The following CDH4 variants were observed in gnomAD, a reference collection of about 807,000 sequenced individuals.
CDH4 encodes the protein cadherin 4.
Under a neutral mutation model 86.0 loss-of-function variants are expected in CDH4, and 33 were observed. The ratio of observed to expected loss-of-function variants is 0.38; its 90% CI spans 0.29 to 0.51. The LOEUF (loss-of-function observed/expected upper bound fraction) is 0.51, where lower values mean the gene tolerates loss of function less well. CDH4 is among the 20% of genes least tolerant of loss of function. CDH4 has a pLI of 0.86. For missense variants in CDH4, 1,114 were observed against 1,307.4 expected, an observed-to-expected ratio of 0.85 and a Z score of 2.28; for synonymous variants, 555 against 549.4, an observed-to-expected ratio of 1.01 and a Z score of -0.14.
At chr20:61,796,778 G>GA (rs1292391329) in intron 4 of CDH4, among the ~76,000 whole-genome samples, 1 of 152,172 alleles carries the variant, frequency 6.6e-6, no homozygotes, top group African/African-American at 2.4e-5. Context: ...ATCCTGCTGG[G>GA]AAATGCTAGA....
chr20:61,589,035 G>A (rs2086498937), intron 2 of CDH4, among the ~76,000 whole-genome samples: 1 of 152,204 alleles, frequency 6.6e-6, no homozygotes, highest in African/African-American at 2.4e-5. Flanking sequence ...AGCTGTGTGT[G>A]GACCCCTACA....
intron 2 of CDH4, among the ~76,000 whole-genome samples, chr20:61,352,766 T>C (rs777643933): frequency 2.0e-5 from 3 of 152,018 alleles, no homozygotes; most frequent in Non-Finnish European, 2.9e-5. Context: ...CCCGGTCACC[T>C]GCACTGCATT....
chr20:61,273,630 G>A (rs530886918), intron 2 of CDH4, among the ~76,000 whole-genome samples: 41 of 140,646 alleles, frequency 2.9e-4, no homozygotes, highest in African/African-American at 4.6e-4. Flanking sequence ...GGATTACTGC[G>A]TGCAGTTTTT....
At chr20:61,555,824 A>G (rs1381113969) in intron 2 of CDH4, among the ~76,000 whole-genome samples, 1 of 152,194 alleles carries the variant, frequency 6.6e-6, no homozygotes, top group African/African-American at 2.4e-5. Context: ...AGTCATCAGT[A>G]TTGCTCCAGG....
At chr20:61,509,801 A>G (rs2085766831) in intron 2 of CDH4, among the ~76,000 whole-genome samples, 2 of 152,114 alleles carry the variant, frequency 1.3e-5, no homozygotes, top group South Asian at 4.1e-4. Context: ...TCCAGAGGTC[A>G]CTTGCCCCAC....
At chr20:61,401,572 T>C (rs6121456) in intron 2 of CDH4, among the ~76,000 whole-genome samples, 76,436 of 151,936 alleles carry the variant, frequency 0.5, 20,269 homozygotes, top group African/African-American at 0.67. Context: ...TGGCTTCAGG[T>C]GTGGCTGGAT....
At chr20:61,729,443 C>A (rs1369239063) in intron 2 of CDH4, among the ~76,000 whole-genome samples, 1 of 152,162 alleles carries the variant, frequency 6.6e-6, no homozygotes, top group Non-Finnish European at 1.5e-5. Context: ...CACTTTTTTT[C>A]TTGAACAGAG....
Position 61,314,734 on chromosome 20 carries a change from A to G in CDH4, c.169+59797A>G, listed in dbSNP as rs6028109. ...AACGCTCATCCCAATTTATCTTCCC[A>G]GCAACAGCGGAGGAGGAGGAGGAGG... On this transcript the variant is annotated intron_variant, in intron 2 of 15. Transcript: ENST00000614565. 4.4e-3 allele frequency among the ~76,000 whole-genome samples: 675 copies of G among 152,274 alleles called. 8 individuals carry two copies. Among genetic ancestry groups the G allele is most frequent in the African/African-American group, 0.016 (645 of 41,564 alleles).
intron 2 of CDH4, among the ~76,000 whole-genome samples, chr20:61,626,908 G>A (rs1458518869): frequency 6.6e-6 from 1 of 152,174 alleles, no homozygotes; most frequent in African/African-American, 2.4e-5. Flanking sequence ...TTGCCTCCTG[G>A]TTCTTTGAGA....
At chr20:61,897,817 G>A (rs957752724) in intron 8 of CDH4, among the ~76,000 whole-genome samples, 11 of 152,242 alleles carry the variant, frequency 7.2e-5, no homozygotes, top group South Asian at 2.1e-4. Context: ...CCCAGATCAC[G>A]GGGCAGGGGA....
intron 4 of CDH4, among the ~76,000 whole-genome samples, chr20:61,805,485 C>G (rs1398759985): frequency 6.6e-6 from 1 of 152,228 alleles, no homozygotes; most frequent in Non-Finnish European, 1.5e-5. Flanking sequence ...CACAACCTTT[C>G]CGGGATCCAG....
rs183642527 is a variant in CDH4, at chr20:61,404,851, A to G, written c.169+149914A>G. ...GAATCATAAGGTCAGGAGATCAAGAACATCCTGGCTAACACGGTGAAACCC... is the reference window on the plus strand; with the variant it reads ...GAATCATAAGGTCAGGAGATCAAGAGCATCCTGGCTAACACGGTGAAACCC... On this transcript the variant is annotated intron_variant, in intron 2 of 15. Transcript: ENST00000614565. Among the ~76,000 whole-genome samples the G allele has an allele frequency of 1.6e-4, 25 of 152,022 alleles. No homozygotes were observed. The South Asian group carries it at 4.4e-3, about 27-fold the overall frequency.
At chr20:61,475,772 G>C (rs2085532561) in intron 2 of CDH4, among the ~76,000 whole-genome samples, 1 of 148,138 alleles carries the variant, frequency 6.8e-6, no homozygotes, top group Non-Finnish European at 1.5e-5. Context: ...TGTCTTCATG[G>C]CAATCTAAAA....
chr20:61,672,172 A>G (rs2087397601), intron 2 of CDH4, among the ~76,000 whole-genome samples: 1 of 149,706 alleles, frequency 6.7e-6, no homozygotes, highest in African/African-American at 2.5e-5. Context: ...TGGATAGATG[A>G]ATGGGTGGGT....
chr20:61,351,764 T>A (rs369065456), intron 2 of CDH4, among the ~76,000 whole-genome samples: 8 of 151,834 alleles, frequency 5.3e-5, no homozygotes, highest in African/African-American at 1.9e-4. Context: ...TCGCCCATGC[T>A]GGAGTGCAGT....
intron 2 of CDH4, among the ~76,000 whole-genome samples, chr20:61,265,698 C>T (rs944556771): frequency 1.3e-5 from 2 of 152,244 alleles, no homozygotes; most frequent in Non-Finnish European, 2.9e-5. Flanking sequence ...ACACAGACCT[C>T]AGTGGTTCGG....
chr20:61,874,037 TG>T (rs1179133766), intron 7 of CDH4, 137 bp downstream of exon 7: 5 of 881,822 alleles, frequency 5.7e-6, no homozygotes, highest in African/African-American at 5.0e-5. Context: ...TCTCTTGCCA[TG>T]GGAGAGACTC....
At chr20:61,562,004 C>T (rs980587763) in intron 2 of CDH4, among the ~76,000 whole-genome samples, 2 of 151,124 alleles carry the variant, frequency 1.3e-5, no homozygotes, top group Non-Finnish European at 3.0e-5. Context: ...AGGTGGACCC[C>T]AGGGCTCCCG....
At chr20:61,816,948 A>C (rs1042493152) in intron 4 of CDH4, among the ~76,000 whole-genome samples, 3 of 152,216 alleles carry the variant, frequency 2.0e-5, no homozygotes, top group Non-Finnish European at 4.4e-5. Context: ...ATATCATGGC[A>C]GTGGCTTGGG....
Sources: gnomAD v4.1 joint callset for allele counts (sites outside exome capture counted in the v4.1 genomes callset) on GRCh38, gnomAD v4.1.1 for gene constraint, MANE v1.5 for transcripts, NCBI Gene and HGNC (gene_info 2026-07-23, HGNC 2026-07-21) for gene names.